The following CCSER1 variants were observed in gnomAD, a reference collection of about 807,000 sequenced individuals.
CCSER1 encodes the protein serine-rich coiled-coil domain-containing protein 1.
Under a neutral mutation model 82.0 loss-of-function variants are expected in CCSER1, and 41 were observed. The observed-to-expected ratio is 0.50, with a 90% CI of 0.39 to 0.65. The LOEUF (loss-of-function observed/expected upper bound fraction) is 0.65. Ranked by LOEUF, CCSER1 falls within the 30% of genes least tolerant of loss-of-function variation. The pLI, the probability that CCSER1 is intolerant of heterozygous loss-of-function variation, is 0.00. For synonymous variants in CCSER1, 414 were observed against 383.9 expected (o/e 1.08, Z -0.92); for missense variants, 1,119 against 1,064.2 (o/e 1.05, Z -0.72).
At chr4:91,043,821 C>T (rs1024557330) in intron 9 of CCSER1, among the ~76,000 whole-genome samples, 3 of 152,154 alleles carry the variant, frequency 2.0e-5, no homozygotes, top group African/African-American at 7.2e-5. Context: ...CCCCTGACCT[C>T]AGGTGATCTG....
intron 7 of CCSER1, among the ~76,000 whole-genome samples, chr4:90,802,363 A>T (rs1194195890): frequency 1.3e-5 from 2 of 149,900 alleles, no homozygotes; most frequent in Non-Finnish European, 3.0e-5. Context: ...TAATCAGTAA[A>T]GATATCCTAA....
intron 10 of CCSER1, among the ~76,000 whole-genome samples, chr4:91,313,345 C>T (rs918554801): frequency 6.6e-6 from 1 of 151,698 alleles, no homozygotes; most frequent in African/African-American, 2.4e-5. Context: ...CCTTGGCTTC[C>T]TTGGCCCTTC....
At chr4:91,308,474 C>T (rs1490512643) in intron 10 of CCSER1, among the ~76,000 whole-genome samples, 8 of 151,888 alleles carry the variant, frequency 5.3e-5, no homozygotes, top group Non-Finnish European at 1.0e-4. Context: ...TGTCAGCAAG[C>T]GGTGTTGTCT....
rs1195592954 is a variant in CCSER1 at position 90,271,860 on chromosome 4, ATATTTTTTTTTTTTT to A, written c.-41-36382_-41-36368del. Among the ~76,000 whole-genome samples, 175 of 22,158 alleles carry A rather than the reference ATATTTTTTTTTTTTT, an allele frequency of 7.9e-3. No individual in the cohort carries two copies. The East Asian group carries it at 0.11, about 14-fold the overall frequency. 14.5% of individuals were successfully genotyped at this position (22,158 alleles called of 152,430 possible). A position where few individuals can be genotyped will look rare whatever the true frequency, so the allele number is the denominator to read the frequency against. On this transcript the variant is annotated intron_variant, in intron 1 of 10. Transcript: ENST00000509176. ...TATATATATATATATATATATATAT[ATATTTTTTTTTTTTT>A]TTTTTTTTTTTTTTTAAAAGGAGGT...
chr4:90,614,797 G>A (rs1186151009), intron 5 of CCSER1, among the ~76,000 whole-genome samples: 1 of 152,170 alleles, frequency 6.6e-6, no homozygotes, highest in Non-Finnish European at 1.5e-5. Context: ...AGCACAGAAA[G>A]TTATCCAGAA....
chr4:90,595,058 A>G (rs1783169500), intron 5 of CCSER1, among the ~76,000 whole-genome samples: 1 of 152,058 alleles, frequency 6.6e-6, no homozygotes, highest in Non-Finnish European at 1.5e-5. Flanking sequence ...GTTTTGAGTT[A>G]CTTATCAGAG....
intron 1 of CCSER1, among the ~76,000 whole-genome samples, chr4:90,255,839 T>G (rs1285885551): frequency 6.6e-6 from 1 of 152,216 alleles, no homozygotes; most frequent in Non-Finnish European, 1.5e-5. Context: ...TGGGACATTA[T>G]TCACTTTACA....
chr4:91,093,764 A>G (rs575213675), intron 10 of CCSER1, among the ~76,000 whole-genome samples: 5 of 152,320 alleles, frequency 3.3e-5, no homozygotes, highest in African/African-American at 9.6e-5. Context: ...TGGGGCTGAC[A>G]TAAGTTTTTC....
chr4:91,155,640 T>G (rs1291772976), intron 10 of CCSER1, among the ~76,000 whole-genome samples: 1 of 151,994 alleles, frequency 6.6e-6, no homozygotes, highest in Non-Finnish European at 1.5e-5. Flanking sequence ...TAGAATGAAT[T>G]ACTTCTCTCT....
At chr4:91,457,409 G>A (rs1438190589) in intron 10 of CCSER1, among the ~76,000 whole-genome samples, 1 of 151,988 alleles carries the variant, frequency 6.6e-6, no homozygotes, top group Admixed American at 6.6e-5. Context: ...GCTCATGCCT[G>A]TACTCCCTAC....
chr4:91,355,772 G>A (rs1045243174), intron 10 of CCSER1, among the ~76,000 whole-genome samples: 44 of 152,284 alleles, frequency 2.9e-4, no homozygotes, highest in African/African-American at 1.1e-3. Flanking sequence ...TGGCGAAGCT[G>A]CTCCCATCCA....
chr4:91,588,471 T>C (rs1764116265), intron 10 of CCSER1, among the ~76,000 whole-genome samples: 1 of 151,730 alleles, frequency 6.6e-6, no homozygotes, highest in Admixed American at 6.6e-5. Flanking sequence ...TGTAATGATA[T>C]TCTGACCATA....
intron 1 of CCSER1, among the ~76,000 whole-genome samples, chr4:90,157,490 C>T (rs1467669250): frequency 4.6e-5 from 7 of 152,296 alleles, no homozygotes; most frequent in Middle Eastern, 3.4e-3. Context: ...GTTCCATTCT[C>T]CCCGTCACTT....
In CCSER1 at chr4:91,371,005, G is replaced by A. The variant is rs1324748486; in HGVS notation, c.2218-227567G>A. On this transcript the variant is annotated intron_variant, in intron 10 of 10. Coordinates refer to ENST00000509176, the MANE Select transcript of CCSER1 (RefSeq NM_001145065.2). ...GTCTCCTGAGTAGCTGGGATTACAGGTGCACACCACCACACCCAGCTAATT... is the reference window on the plus strand; with the variant it reads ...GTCTCCTGAGTAGCTGGGATTACAGATGCACACCACCACACCCAGCTAATT... 2.0e-5 allele frequency among the ~76,000 whole-genome samples: 3 copies of A among 151,964 alleles called. No homozygotes were observed. In the South Asian group the frequency reaches 6.2e-4, roughly 31 times the overall value.
chr4:91,562,645 G>A (rs1321021399), intron 10 of CCSER1, among the ~76,000 whole-genome samples: 1 of 151,486 alleles, frequency 6.6e-6, no homozygotes, highest in Non-Finnish European at 1.5e-5. Context: ...GAAATTGAAT[G>A]AAAGTGTTCA....
intron 1 of CCSER1, among the ~76,000 whole-genome samples, chr4:90,242,913 T>C (rs1046060788): frequency 2.0e-5 from 3 of 152,180 alleles, no homozygotes; most frequent in Admixed American, 2.0e-4. Flanking sequence ...CCAGGCCCTT[T>C]CTACTACATA....
intron 9 of CCSER1, among the ~76,000 whole-genome samples, chr4:91,061,319 G>T (rs1743933338): frequency 6.6e-6 from 1 of 151,452 alleles, no homozygotes; most frequent in Non-Finnish European, 1.5e-5. Flanking sequence ...AAATAATAAA[G>T]CAATGTATTA....
chr4:91,573,345 G>C (rs1266147275), intron 10 of CCSER1, among the ~76,000 whole-genome samples: 1 of 152,150 alleles, frequency 6.6e-6, no homozygotes, highest in Non-Finnish European at 1.5e-5. Flanking sequence ...AATCCTGCAG[G>C]CTGTCACTGC....
At chr4:90,245,531 A>C (rs986632640) in intron 1 of CCSER1, among the ~76,000 whole-genome samples, 6 of 152,190 alleles carry the variant, frequency 3.9e-5, no homozygotes, top group African/African-American at 1.2e-4. Flanking sequence ...GTTAGTGTAG[A>C]ATTAACTACA....
Sources: gnomAD v4.1 joint callset for allele counts (sites outside exome capture counted in the v4.1 genomes callset) on GRCh38, gnomAD v4.1.1 for gene constraint, MANE v1.5 for transcripts, NCBI Gene and HGNC (gene_info 2026-07-23, HGNC 2026-07-21) for gene names.